Variants in SUGCT observed in about 807,000 individuals in gnomAD.
The protein encoded by SUGCT is succinyl-CoA:glutarate CoA-transferase.
In SUGCT, 41 loss-of-function variants were observed where a neutral mutation model predicts 55.0. That is an observed-to-expected ratio of 0.74 (90% CI 0.58 to 0.97). The LOEUF (loss-of-function observed/expected upper bound fraction) is 0.97, where lower values mean the gene tolerates loss of function less well. SUGCT is among the 50% of genes least tolerant of loss of function. SUGCT has a pLI of 0.00. For missense variants in SUGCT, 568 were observed against 547.8 expected (o/e 1.04, Z -0.37); for synonymous variants, 187 against 200.4 (o/e 0.93, Z 0.56).
At chr7:40,197,290 GGAGA>G (rs1374179308) in intron 6 of SUGCT, among the ~76,000 whole-genome samples, 4 of 152,132 alleles carry the variant, frequency 2.6e-5, no homozygotes, top group Non-Finnish European at 4.4e-5. Flanking sequence ...ACAGAGTGAG[GGAGA>G]GATTTTTTTC....
intron 1 of SUGCT, among the ~76,000 whole-genome samples, chr7:40,174,664 A>C (rs1389347205): frequency 6.6e-6 from 1 of 152,230 alleles, no homozygotes; most frequent in Admixed American, 6.5e-5. Flanking sequence ...ATAAATGAAT[A>C]AAGTTGATTA....
At chr7:40,997,877 C>A in the SUGCT span, among the ~76,000 whole-genome samples, 8 of 152,258 alleles carry the variant, frequency 5.3e-5, no homozygotes, top group East Asian at 1.4e-3. Context: ...TGACTTGCTT[C>A]ATTTCCTGTC....
chr7:40,727,381 T>C (rs1406094585), intron 12 of SUGCT, among the ~76,000 whole-genome samples: 6 of 152,220 alleles, frequency 3.9e-5, no homozygotes, highest in Non-Finnish European at 8.8e-5. Flanking sequence ...GCATCTTTCT[T>C]CATCTTCAGC....
rs145465677 is a variant in SUGCT, at chr7:40,464,804, A to G, written c.986+5606A>G. 3.2e-3 allele frequency among the ~76,000 whole-genome samples: 491 copies of G among 152,322 alleles called. 4 individuals are homozygous for G. The highest frequency in any genetic ancestry group is 0.011 in the African/African-American group (454 of 41,564). ...ATATGCAGCAAAATACTCTGTTGCG[A>G]TGTTGTGCAGCAGTAGTGAGCTGCA... On this transcript the variant is annotated intron_variant, in intron 11 of 13. Coordinates refer to ENST00000335693, the MANE Select transcript of SUGCT (RefSeq NM_001193313.2).
chr7:40,963,586 G>T, the SUGCT span, among the ~76,000 whole-genome samples: 49,542 of 152,070 alleles, frequency 0.33, 8,903 homozygotes, highest in Admixed American at 0.44. Context: ...AAATTAAATG[G>T]AATACTCCTT....
At chr7:40,446,044 G>T (rs1023309676) in intron 9 of SUGCT, among the ~76,000 whole-genome samples, 2 of 151,896 alleles carry the variant, frequency 1.3e-5, no homozygotes, top group Non-Finnish European at 2.9e-5. Flanking sequence ...TATAGGGAGG[G>T]GTATGGAGCT....
chr7:40,479,799 T>C (rs1298847469), intron 11 of SUGCT, among the ~76,000 whole-genome samples: 2 of 152,184 alleles, frequency 1.3e-5, no homozygotes, highest in East Asian at 3.8e-4. Context: ...ATATATCTGT[T>C]GGTCATTTGT....
chr7:40,939,485 A>T, the SUGCT span, among the ~76,000 whole-genome samples: 2 of 152,098 alleles, frequency 1.3e-5, no homozygotes, highest in African/African-American at 4.8e-5. Flanking sequence ...TTTTCCATAA[A>T]GGGTGCACTG....
intron 9 of SUGCT, among the ~76,000 whole-genome samples, chr7:40,339,363 G>T (rs902849582): frequency 6.6e-6 from 1 of 152,170 alleles, no homozygotes; most frequent in Non-Finnish European, 1.5e-5. Flanking sequence ...ACAGAGGCAG[G>T]CAGGCCTCCT....
chr7:40,521,143 G>A (rs919638162), intron 12 of SUGCT, among the ~76,000 whole-genome samples: 1 of 152,076 alleles, frequency 6.6e-6, no homozygotes, highest in African/African-American at 2.4e-5. Context: ...TTGAATCCCC[G>A]GTGTTGTAAA....
chr7:40,707,459 G>A (rs1471628367), intron 12 of SUGCT, among the ~76,000 whole-genome samples: 3 of 152,158 alleles, frequency 2.0e-5, no homozygotes, highest in African/African-American at 7.2e-5. Context: ...GGAAAAGTGT[G>A]TGTTTCCCTG....
chr7:40,459,486 T>A (rs1028883557), intron 11 of SUGCT, among the ~76,000 whole-genome samples: 3 of 152,148 alleles, frequency 2.0e-5, no homozygotes, highest in African/African-American at 7.2e-5. Context: ...CCTGTACCTG[T>A]TTGGGTTTAG....
At chr7:40,478,739 CT>C (rs1790852707) in intron 11 of SUGCT, among the ~76,000 whole-genome samples, 1 of 152,120 alleles carries the variant, frequency 6.6e-6, no homozygotes, top group South Asian at 2.1e-4. Flanking sequence ...GTATCGTTAA[CT>C]GCAGTCACGT....
At chr7:41,033,423 T>C in the SUGCT span, among the ~76,000 whole-genome samples, 1 of 152,186 alleles carries the variant, frequency 6.6e-6, no homozygotes, top group Non-Finnish European at 1.5e-5. Flanking sequence ...TGTCAAAAAC[T>C]ACATCTGAGA....
chr7:40,274,073 CTTTTTTTTTTTTT>C (rs386409972), intron 7 of SUGCT, among the ~76,000 whole-genome samples: 6 of 68,004 alleles, frequency 8.8e-5, no homozygotes, highest in East Asian at 5.4e-4. Flanking sequence ...TTTTTACCTT[CTTTTTTTTTTTTT>C]TTTTTTTTTT....
At chr7:40,375,899 G>C (rs995813104) in intron 9 of SUGCT, among the ~76,000 whole-genome samples, 1 of 152,118 alleles carries the variant, frequency 6.6e-6, no homozygotes, top group African/African-American at 2.4e-5. Flanking sequence ...AATGAATGGA[G>C]GAATGGTTAG....
chr7:40,644,039 C>G (rs576399359), intron 12 of SUGCT, among the ~76,000 whole-genome samples: 1 of 152,066 alleles, frequency 6.6e-6, no homozygotes, highest in African/African-American at 2.4e-5. Flanking sequence ...GAAGTCTGAT[C>G]GTGACCTCAG....
intron 12 of SUGCT, among the ~76,000 whole-genome samples, chr7:40,520,241 G>T (rs1429092581): frequency 6.6e-6 from 1 of 152,054 alleles, no homozygotes; most frequent in East Asian, 1.9e-4. Flanking sequence ...CTAGAATTTT[G>T]ATAGTTTTCA....
chr7:40,552,379 A>G (rs1226729259), intron 12 of SUGCT, among the ~76,000 whole-genome samples: 4 of 152,036 alleles, frequency 2.6e-5, no homozygotes, highest in Non-Finnish European at 1.5e-5. Flanking sequence ...AAGTTACTCC[A>G]TGGCTTACAT....
Sources: gnomAD v4.1 joint callset for allele counts (sites outside exome capture counted in the v4.1 genomes callset) on GRCh38, gnomAD v4.1.1 for gene constraint, MANE v1.5 for transcripts, NCBI Gene and HGNC (gene_info 2026-07-23, HGNC 2026-07-21) for gene names.